The following NRXN3 variants were observed in gnomAD, a reference collection of about 807,000 sequenced individuals.
NRXN3 encodes neurexin 3.
In NRXN3, 32 loss-of-function variants were observed where a neutral mutation model predicts 137.6. The observed-to-expected ratio is 0.23, with a 90% confidence interval of 0.18 to 0.31. The LOEUF is 0.31. Among genes scored for constraint, NRXN3 ranks in the 10% least tolerant of loss-of-function variants. NRXN3 has a pLI of 1.00. For missense variants in NRXN3, 1,574 were observed against 2,062.5 expected (o/e 0.76, Z 4.59); for synonymous variants, 798 against 784.5 (o/e 1.02, Z -0.29).
At chr14:79,510,201 G>T (rs144452361) in intron 16 of NRXN3, among the ~76,000 whole-genome samples, 240 of 152,284 alleles carry the variant, frequency 1.6e-3, no homozygotes, top group African/African-American at 5.5e-3. Context: ...TGTCAAAAAG[G>T]TTTCTTAAGG....
In NRXN3 at chr14:79,351,685, G is replaced by A. The variant is rs972944028; in HGVS notation, c.3263-115536G>A. On this transcript the variant is annotated intron_variant, in intron 15 of 20. Transcript: ENST00000335750. ...GCTCACTAGCTATAGCTTTAATAACGTGATAACTGATGGTGTGATCAGTTC... is the reference window on the plus strand; with the variant it reads ...GCTCACTAGCTATAGCTTTAATAACATGATAACTGATGGTGTGATCAGTTC... Among the ~76,000 whole-genome samples, 8 of 152,276 alleles carry A rather than the reference G, an allele frequency of 5.3e-5. No homozygotes were observed. In the South Asian group the frequency reaches 6.2e-4, roughly 12 times the overall value.
chr14:79,748,761 C>T lies in NRXN3; in HGVS notation c.4014+50824C>T, dbSNP rs190022153. 1.9e-4 allele frequency among the ~76,000 whole-genome samples: 29 copies of T among 152,136 alleles called. No homozygotes were observed. The East Asian group carries it at 4.4e-3, about 23-fold the overall frequency. On this transcript the variant is annotated intron_variant, in intron 19 of 20. Transcript: ENST00000335750. ...GCACTGGTACTCTTTCCCTCTCTCT[C>T]CCCTTCTTTTGCCATAGAGCTATTG...
At chr14:79,645,659 G>T (rs1428186572) in intron 16 of NRXN3, among the ~76,000 whole-genome samples, 1 of 133,802 alleles carries the variant, frequency 7.5e-6, no homozygotes, top group African/African-American at 2.5e-5. Context: ...TTAATGCCTG[G>T]TATAATACCT....
intron 16 of NRXN3, among the ~76,000 whole-genome samples, chr14:79,655,116 C>G (rs150991917): frequency 1.0e-3 from 154 of 152,192 alleles, no homozygotes; most frequent in African/African-American, 3.5e-3. Context: ...CTAAAATGAC[C>G]TAGTCTGTAG....
chr14:78,593,094 C>T (rs958821183), intron 4 of NRXN3, among the ~76,000 whole-genome samples: 13 of 152,208 alleles, frequency 8.5e-5, no homozygotes, highest in African/African-American at 2.9e-4. Flanking sequence ...CACTTTCCTC[C>T]TCGGTGCATG....
At chr14:78,722,771 C>A (rs972633346) in intron 8 of NRXN3, among the ~76,000 whole-genome samples, 1 of 152,124 alleles carries the variant, frequency 6.6e-6, no homozygotes, top group Non-Finnish European at 1.5e-5. Flanking sequence ...GCACTTGGGA[C>A]ACAAAGGCAT....
In NRXN3 at chr14:78,980,106, G is replaced by A. The variant is rs145153937; in HGVS notation, c.3143-7916G>A. 1.2e-4 allele frequency among the ~76,000 whole-genome samples: 18 copies of A among 152,306 alleles called. 1 individual carries two copies. Among genetic ancestry groups the A allele is most frequent in the South Asian group, 4.2e-4 (2 of 4,818 alleles). On this transcript the variant is annotated intron_variant, in intron 14 of 20. Transcript: ENST00000335750. ...GATAACTTCACATTTAGGTTACACC[G>A]ATAGAGTCTAAGCCCTTTGACTTAA...
chr14:79,664,029 G>C, intron 17 of NRXN3, 80 bp downstream of exon 17: 1 of 1,419,066 alleles, frequency 7.0e-7, no homozygotes, highest in South Asian at 1.2e-5. Context: ...TCTCATGACT[G>C]TCACCAAATT....
rs536645599 is a variant in NRXN3 at position 79,014,474 on chromosome 14, T to C, written c.3262+26333T>C. Among the ~76,000 whole-genome samples the C allele has an allele frequency of 1.1e-4, 16 of 152,328 alleles. No individual in the cohort carries two copies. The South Asian group carries it at 2.5e-3, about 24-fold the overall frequency. On this transcript the variant is annotated intron_variant, in intron 15 of 20. Coordinates refer to ENST00000335750, the MANE Select transcript of NRXN3 (RefSeq NM_001330195.2). ...GCTGCGTAGTATTCCATGGCATATA[T>C]GTATCACATTTTCTTTATCCAGTCT...
In NRXN3 at chr14:79,080,882, AAC is replaced by A. The variant is rs202016266; in HGVS notation, c.3262+92745_3262+92746del. On this transcript the variant is annotated intron_variant, in intron 15 of 20. Transcript: ENST00000335750. ...TGATTGATGAAGATTTAGTGGTCCA[AAC>A]ACAGTCAGTTGTCTTTTGGCCAGAA... 7.7e-4 allele frequency among the ~76,000 whole-genome samples: 117 copies of A among 152,316 alleles called. 1 individual carries two copies. The East Asian group carries it at 0.021, about 28-fold the overall frequency.
chr14:78,716,360 G>A (rs1595097276), intron 8 of NRXN3, among the ~76,000 whole-genome samples: 1 of 152,270 alleles, frequency 6.6e-6, no homozygotes, highest in East Asian at 1.9e-4. Flanking sequence ...ATTTGCATCA[G>A]GATCAAGTTT....
intron 4 of NRXN3, among the ~76,000 whole-genome samples, chr14:78,525,465 A>G (rs1472292649): frequency 1.3e-5 from 2 of 152,150 alleles, no homozygotes; most frequent in African/African-American, 4.8e-5. Context: ...TTAGAATAAG[A>G]TTGGGGCATC....
At chr14:79,843,743 A>G (rs1031788906) in intron 20 of NRXN3, among the ~76,000 whole-genome samples, 3 of 152,174 alleles carry the variant, frequency 2.0e-5, no homozygotes, top group Non-Finnish European at 4.4e-5. Flanking sequence ...CTCCTTAACC[A>G]TTAAAGTTTT....
chr14:79,155,789 G>T (rs1468026070), intron 15 of NRXN3, among the ~76,000 whole-genome samples: 1 of 151,632 alleles, frequency 6.6e-6, no homozygotes, highest in Admixed American at 6.6e-5. Context: ...AAGAGCAAAA[G>T]AAAACTTAAA....
chr14:79,282,633 A>G (rs2153446692), intron 15 of NRXN3, among the ~76,000 whole-genome samples: 1 of 152,232 alleles, frequency 6.6e-6, no homozygotes, highest in East Asian at 1.9e-4. Flanking sequence ...CTAGTTTCTC[A>G]TTAACCTACA....
chr14:78,615,557 G>A (rs2097339796), intron 4 of NRXN3, among the ~76,000 whole-genome samples: 1 of 152,082 alleles, frequency 6.6e-6, no homozygotes, highest in African/African-American at 2.4e-5. Flanking sequence ...CTTGCAGTGA[G>A]CTGAGATCGC....
intron 2 of NRXN3, among the ~76,000 whole-genome samples, chr14:78,270,699 T>C (rs1255912090): frequency 6.6e-6 from 1 of 152,242 alleles, no homozygotes; most frequent in Non-Finnish European, 1.5e-5. Flanking sequence ...GTTTACTATG[T>C]GCCTGGCATT....
At chr14:78,556,005 A>T (rs1012758209) in intron 4 of NRXN3, among the ~76,000 whole-genome samples, 2 of 152,152 alleles carry the variant, frequency 1.3e-5, no homozygotes, top group Non-Finnish European at 2.9e-5. Flanking sequence ...GTGTGTGAGG[A>T]GCTCTTGTCT....
At chr14:78,665,700 C>A (rs2097879597) in intron 6 of NRXN3, among the ~76,000 whole-genome samples, 1 of 152,076 alleles carries the variant, frequency 6.6e-6, no homozygotes, top group South Asian at 2.1e-4. Context: ...GAGGCCATTC[C>A]AATCCAAGGA....
Sources: allele counts gnomAD v4.1 joint callset (sites outside exome capture counted in the v4.1 genomes callset), GRCh38; gene constraint gnomAD v4.1.1; transcripts MANE v1.5; gene names NCBI Gene and HGNC (gene_info 2026-07-23, HGNC 2026-07-21).